The following ADAMTSL1 variants were observed in gnomAD, a reference collection of about 807,000 sequenced individuals.
ADAMTSL1 encodes the protein ADAMTS-like protein 1.
Under a neutral mutation model 201.8 loss-of-function variants are expected in ADAMTSL1, and 126 were observed. The ratio of observed to expected loss-of-function variants is 0.62; its 90% CI spans 0.54 to 0.72. ADAMTSL1 has a LOEUF of 0.72. ADAMTSL1 is among the 30% of genes least tolerant of loss of function. ADAMTSL1 has a pLI of 0.00. For synonymous variants in ADAMTSL1, 1,121 were observed against 903.4 expected, an observed-to-expected ratio of 1.24 and a Z score of -4.32; for missense variants, 2,679 against 2,277.8, an observed-to-expected ratio of 1.18 and a Z score of -3.59.
chr9:18,869,180 A>T lies in ADAMTSL1; in HGVS notation c.4250-18651A>T, dbSNP rs78586336. On this transcript the variant is annotated intron_variant, in intron 23 of 28. Transcript: ENST00000380548. ...CACCAGAAACTGGGAGAGAGGCATGAAACAGATTCTTCTCTCACAGTCCTC... is the reference window on the plus strand; with the variant it reads ...CACCAGAAACTGGGAGAGAGGCATGTAACAGATTCTTCTCTCACAGTCCTC... Among the ~76,000 whole-genome samples the T allele has an allele frequency of 5.7e-3, 868 of 152,350 alleles. 10 individuals carry two copies. The highest frequency in any genetic ancestry group is 0.02 in the African/African-American group (837 of 41,578).
At chr9:18,894,538 A>G (rs781767348) in intron 26 of ADAMTSL1, among the ~76,000 whole-genome samples, 1 of 152,042 alleles carries the variant, frequency 6.6e-6, no homozygotes, top group African/African-American at 2.4e-5. Context: ...TCCATGATCC[A>G]TTGGATATGA....
chr9:18,156,637 TACACACAC>T (rs56324477), intron 1 of ADAMTSL1, among the ~76,000 whole-genome samples: 44 of 150,340 alleles, frequency 2.9e-4, no homozygotes, highest in African/African-American at 1.0e-3. Flanking sequence ...CATAAACACA[TACACACAC>T]ACACACACAC....
Position 18,860,908 on chromosome 9 carries a change from G to A in ADAMTSL1, c.4250-26923G>A, listed in dbSNP as rs114121940. Among the ~76,000 whole-genome samples the A allele has an allele frequency of 4.2e-3, 644 of 152,294 alleles. 4 individuals carry two copies. The highest frequency in any genetic ancestry group is 0.015 in the African/African-American group (615 of 41,564). Reference sequence around the variant, plus strand: ...CAGTAAGCGTACTTGCTCTGTCCACGTCTGGATTTAGGCTTTCAAATCTGC... The same window carrying A: ...CAGTAAGCGTACTTGCTCTGTCCACATCTGGATTTAGGCTTTCAAATCTGC... On this transcript the variant is annotated intron_variant, in intron 23 of 28. Coordinates refer to ENST00000380548, the MANE Select transcript of ADAMTSL1 (RefSeq NM_001040272.6).
chr9:18,218,993 T>G (rs115626414), intron 2 of ADAMTSL1, among the ~76,000 whole-genome samples: 1,792 of 152,172 alleles, frequency 0.012, 36 homozygotes, highest in African/African-American at 0.041. Flanking sequence ...CCCATCTTGT[T>G]TACATTGATT....
At chr9:18,214,072 A>G (rs1829979593) in intron 2 of ADAMTSL1, among the ~76,000 whole-genome samples, 2 of 152,080 alleles carry the variant, frequency 1.3e-5, no homozygotes, top group African/African-American at 2.4e-5. Context: ...AATTTTACGT[A>G]TTTAGTGTAT....
chr9:18,339,284 G>T (rs1835371128), intron 2 of ADAMTSL1, among the ~76,000 whole-genome samples: 1 of 152,082 alleles, frequency 6.6e-6, no homozygotes, highest in African/African-American at 2.4e-5. Context: ...CCATTAAAAA[G>T]TAGGCAAAGG....
intron 2 of ADAMTSL1, among the ~76,000 whole-genome samples, chr9:18,455,906 A>T (rs2131688769): frequency 6.6e-6 from 1 of 152,238 alleles, no homozygotes; most frequent in African/African-American, 2.4e-5. Context: ...GAGACCCAAA[A>T]TGCTTGCTAG....
intron 20 of ADAMTSL1, among the ~76,000 whole-genome samples, chr9:18,807,122 T>G (rs949684154): frequency 6.6e-6 from 1 of 152,220 alleles, no homozygotes; most frequent in Admixed American, 6.5e-5. Flanking sequence ...ATATTGGGCC[T>G]GATAAATTGA....
chr9:18,844,543 G>C (rs1207900684), intron 23 of ADAMTSL1, among the ~76,000 whole-genome samples: 1 of 152,212 alleles, frequency 6.6e-6, no homozygotes, highest in Admixed American at 6.5e-5. Flanking sequence ...GCTGCATGCT[G>C]GGAGAACCAC....
At chr9:18,245,870 G>C (rs1243020592) in intron 2 of ADAMTSL1, among the ~76,000 whole-genome samples, 1 of 151,988 alleles carries the variant, frequency 6.6e-6, no homozygotes, top group Non-Finnish European at 1.5e-5. Context: ...GTTGTCCTTT[G>C]CAATCAATTA....
At chr9:18,268,944 T>C (rs1832244891) in intron 2 of ADAMTSL1, among the ~76,000 whole-genome samples, 1 of 152,124 alleles carries the variant, frequency 6.6e-6, no homozygotes, top group Non-Finnish European at 1.5e-5. Flanking sequence ...TTCAGTATCA[T>C]TCAGAATCTC....
intron 2 of ADAMTSL1, among the ~76,000 whole-genome samples, chr9:18,433,052 G>T (rs535202590): frequency 3.0e-4 from 45 of 151,882 alleles, no homozygotes; most frequent in African/African-American, 1.1e-3. Flanking sequence ...AAATAACTTT[G>T]GCTAGATTTT....
intron 14 of ADAMTSL1, among the ~76,000 whole-genome samples, chr9:18,711,714 G>T (rs1446844573): frequency 2.7e-5 from 4 of 148,882 alleles, no homozygotes; most frequent in African/African-American, 9.9e-5. Context: ...AAACAAAGCA[G>T]CTGGGAAGCT....
At chr9:18,372,139 G>A (rs1837071268) in intron 2 of ADAMTSL1, among the ~76,000 whole-genome samples, 1 of 152,114 alleles carries the variant, frequency 6.6e-6, no homozygotes, top group African/African-American at 2.4e-5. Context: ...AGAGCTTAGA[G>A]GTAGCAAAAT....
chr9:18,492,392 C>T (rs772865620), intron 1 of ADAMTSL1, among the ~76,000 whole-genome samples: 50 of 152,082 alleles, frequency 3.3e-4, no homozygotes, highest in Non-Finnish European at 6.9e-4. Flanking sequence ...ATAAAAAGTA[C>T]AGAGTATAAT....
intron 1 of ADAMTSL1, among the ~76,000 whole-genome samples, chr9:18,111,467 C>A (rs1278333994): frequency 1.3e-5 from 2 of 151,802 alleles, no homozygotes; most frequent in Non-Finnish European, 2.9e-5. Context: ...TCCAAGAAGC[C>A]CTTTTAAACT....
At chr9:18,006,490 A>G (rs1819833786) in intron 1 of ADAMTSL1, among the ~76,000 whole-genome samples, 1 of 152,008 alleles carries the variant, frequency 6.6e-6, no homozygotes, top group African/African-American at 2.4e-5. Context: ...TTGTATTTTC[A>G]GTGCTTAATA....
At chr9:18,198,243 C>T (rs367912439) in intron 2 of ADAMTSL1, among the ~76,000 whole-genome samples, 6 of 151,224 alleles carry the variant, frequency 4.0e-5, no homozygotes, top group Admixed American at 4.0e-4. Flanking sequence ...GCAACAAAAG[C>T]CAAAATTGAC....
At chr9:18,890,872 T>C (rs559847751) in intron 25 of ADAMTSL1, 45 of 287,920 alleles carry the variant, frequency 1.6e-4, no homozygotes, top group African/African-American at 8.7e-4. Flanking sequence ...ATCTTTGATG[T>C]GCCAGGAACT....
Sources: allele counts gnomAD v4.1 joint callset (sites outside exome capture counted in the v4.1 genomes callset), GRCh38; gene constraint gnomAD v4.1.1; transcripts MANE v1.5; gene names NCBI Gene and HGNC (gene_info 2026-07-23, HGNC 2026-07-21).